The following C1orf50 variants were observed in gnomAD, a reference collection of about 807,000 sequenced individuals.
C1orf50 encodes uncharacterized protein C1orf50.
Under a neutral mutation model 23.3 loss-of-function variants are expected in C1orf50, and 22 were observed. The observed-to-expected ratio is 0.94, with a 90% CI of 0.67 to 1.35. The LOEUF (loss-of-function observed/expected upper bound fraction) is 1.35, where lower values mean the gene tolerates loss of function less well. C1orf50 is among the 40% of genes most tolerant of loss of function. The pLI, the probability that C1orf50 is intolerant of heterozygous loss-of-function variation, is 0.00. For synonymous variants in C1orf50, 96 were observed against 102.4 expected (o/e 0.94, Z 0.38); for missense variants, 271 against 249.4 (o/e 1.09, Z -0.58).
chr1:42,779,117 C>T lies in C1orf50; in HGVS notation c.*3723C>T, dbSNP rs368591663. ...AACAAGCTGGGCGCAGTGGCTCACG[C>T]CTGTAATCCCAGCACTTTGGGCGGC... On this transcript the variant is annotated 3_prime_UTR_variant, in exon 5 of 5. Transcript: ENST00000372525. The T allele has an allele frequency of 3.2e-4, 49 of 152,216 alleles. No individual in the cohort carries two copies. The highest frequency in any genetic ancestry group is 1.2e-3 in the African/African-American group (48 of 41,514). 9.4% of individuals were successfully genotyped at this position (152,216 alleles called of 1,614,324 possible).
Position 42,773,609 on chromosome 1 carries a change from T to C in C1orf50, c.242T>C (p.Ile81Thr). Residue 81 changes from isoleucine to threonine, a missense_variant, in exon 3 of 5, where the codon ATA becomes ACA. Coordinates refer to ENST00000372525, the MANE Select transcript of C1orf50 (RefSeq NM_024097.4). ...AATGCCACCAACAAGCTGACAGTCA[T>C]AGCTGAGCAAATCCAACATTTGCAA... The part of the protein sequence containing the change: ...RANATNKLTV[I>T]AEQIQHLQEQ... 1 of 1,612,592 alleles carries C rather than the reference T, an allele frequency of 6.2e-7. No homozygotes were observed. The highest frequency in any genetic ancestry group is 8.5e-7 in the Non-Finnish European group (1 of 1,178,754).
chr1:42,774,881 ATTGT>A lies in C1orf50; in HGVS notation c.414+17_414+20del. 1 of 1,598,916 alleles carries A rather than the reference ATTGT, an allele frequency of 6.3e-7. No homozygotes were observed. The highest frequency in any genetic ancestry group is 8.5e-7 in the Non-Finnish European group (1 of 1,170,660). Reference sequence around the variant, plus strand: ...CATTTCTCCAAAGGTAAGAACATACATTGTTTGCCCAAAAATCTACTCCAGCCTC... The same window carrying A: ...CATTTCTCCAAAGGTAAGAACATACATTGCCCAAAAATCTACTCCAGCCTC... On this transcript the variant is annotated intron_variant, in intron 4 of 4. Transcript: ENST00000372525.
In C1orf50 at chr1:42,775,924, T is replaced by A. The variant is rs1653332149; in HGVS notation, c.*530T>A. ...CAACAACAACAAAAAAAAAAACACT[T>A]GGCTTGGCTGGACCAGAGAGTGTGT... On this transcript the variant is annotated 3_prime_UTR_variant, in exon 5 of 5. Transcript: ENST00000372525. The A allele has an allele frequency of 6.7e-6, 1 of 148,210 alleles. No homozygotes were observed. Among genetic ancestry groups the A allele is most frequent in the East Asian group, 1.9e-4 (1 of 5,158 alleles). 9.2% of individuals were successfully genotyped at this position (148,210 alleles called of 1,614,324 possible). A position where few individuals can be genotyped will look rare whatever the true frequency, so the allele number is the denominator to read the frequency against.
chr1:42,767,351 C>T lies in C1orf50; in HGVS notation c.40C>T (p.Leu14Phe), dbSNP rs920751314. Residue 14 changes from leucine (L) to phenylalanine (F), a missense_variant, in exon 1 of 5, where the codon CTT becomes TTT. Coordinates refer to ENST00000372525, the MANE Select transcript of C1orf50 (RefSeq NM_024097.4). Reference sequence around the variant, plus strand: ...CGCGCCGGGGCGGACCGAGGGGGTCCTTGAAAGGCAAGGAGCGCCGCCAGC... The same window carrying T: ...CGCGCCGGGGCGGACCGAGGGGGTCTTTGAAAGGCAAGGAGCGCCGCCAGC... ...AAAPGRTEGVLERQGAPPAAG... is the reference protein window; with the variant it reads ...AAAPGRTEGVFERQGAPPAAG... The T allele has an allele frequency of 1.3e-6, 2 of 1,537,304 alleles. No individual in the cohort carries two copies. The highest frequency in any genetic ancestry group is 1.7e-6 in the Non-Finnish European group (2 of 1,146,610).
intron 1 of C1orf50, 57 bp downstream of exon 1, chr1:42,767,447 G>A (rs904314264): frequency 1.3e-6 from 2 of 1,553,540 alleles, no homozygotes; most frequent in African/African-American, 1.4e-5. Context: ...AGCCGGTCTC[G>A]GGGCTCCGCG....
At position 42,779,004 on chromosome 1, in the gene C1orf50, C is replaced by G. The variant is rs1653394414; in HGVS notation, c.*3610C>G. 1 of 117,890 alleles carries G rather than the reference C, an allele frequency of 8.5e-6. No individual in the cohort carries two copies. The highest frequency in any genetic ancestry group is 3.0e-4 in the South Asian group (1 of 3,320). The allele number at this position is 117,890 out of a possible 1,614,324, so 7.3% of individuals were successfully genotyped here. ...CCCCCCCCCCCCCACATTTTGGTGTCTGTCAAACTTGGACACTTCTAAAAG... is the reference window on the plus strand; with the variant it reads ...CCCCCCCCCCCCCACATTTTGGTGTGTGTCAAACTTGGACACTTCTAAAAG... On this transcript the variant is annotated 3_prime_UTR_variant, in exon 5 of 5. Transcript: ENST00000372525.
At chr1:42,773,915 C>T (rs980339986) in intron 3 of C1orf50, among the ~76,000 whole-genome samples, 4 of 151,644 alleles carry the variant, frequency 2.6e-5, no homozygotes, top group African/African-American at 7.3e-5. Flanking sequence ...CTCTGCCTCC[C>T]GGGTTCAAGC....
At chr1:42,774,557 A>C (rs1557585606) in intron 3 of C1orf50, among the ~76,000 whole-genome samples, 180 bp from the exon 4 acceptor site, 1 of 152,228 alleles carries the variant, frequency 6.6e-6, no homozygotes, top group African/African-American at 2.4e-5. Context: ...TTTTTACAGC[A>C]TAGCAGCATA....
Position 42,778,786 on chromosome 1 carries a change from A to G in C1orf50, c.*3392A>G, listed in dbSNP as rs1653387697. The G allele has an allele frequency of 1.3e-5, 2 of 152,308 alleles. No homozygotes were observed. Among genetic ancestry groups the G allele is most frequent in the African/African-American group, 4.8e-5 (2 of 41,436 alleles). 9.4% of individuals were successfully genotyped at this position (152,308 alleles called of 1,614,324 possible). ...GAATCGCAGCCAGTTAAACAGGAGAATATGGACTGGGGAATATGAGAGAAG... is the reference window on the plus strand; with the variant it reads ...GAATCGCAGCCAGTTAAACAGGAGAGTATGGACTGGGGAATATGAGAGAAG... On this transcript the variant is annotated 3_prime_UTR_variant, in exon 5 of 5. Transcript: ENST00000372525.
intron 3 of C1orf50, 40 bp from the exon 4 acceptor site, chr1:42,774,697 A>G: frequency 6.4e-7 from 1 of 1,569,582 alleles, no homozygotes. Flanking sequence ...GGTGCCTGTT[A>G]TCTCCAATAC....
chr1:42,775,625 C>T lies in C1orf50; in HGVS notation c.*231C>T, dbSNP rs184583257. ...TTGGACCACAGATACCCAAGTCAGT[C>T]AGTTTCAGAGTATTGGCCAGTGTAC... On this transcript the variant is annotated 3_prime_UTR_variant, in exon 5 of 5. Transcript: ENST00000372525. The T allele has an allele frequency of 1.7e-3, 702 of 422,490 alleles. 1 individual carries two copies. The highest frequency in any genetic ancestry group is 2.3e-3 in the Non-Finnish European group (540 of 234,220). The allele number at this position is 422,490 out of a possible 1,614,324, so 26.2% of individuals were successfully genotyped here. A position where few individuals can be genotyped will look rare whatever the true frequency, so the allele number is the denominator to read the frequency against.
At chr1:42,769,502 C>T (rs2124185612) in intron 2 of C1orf50, among the ~76,000 whole-genome samples, 1 of 148,838 alleles carries the variant, frequency 6.7e-6, no homozygotes, top group African/African-American at 2.5e-5. Context: ...GCTGAGATCA[C>T]ACCACTGCAC....
chr1:42,774,062 A>G (rs969811338), intron 3 of C1orf50, among the ~76,000 whole-genome samples: 1 of 152,076 alleles, frequency 6.6e-6, no homozygotes, highest in African/African-American at 2.4e-5. Flanking sequence ...ACCTCAGGTG[A>G]TCTGCCTGCC....
chr1:42,775,399 G>A lies in C1orf50; in HGVS notation c.*5G>A, dbSNP rs1653316038. The A allele has an allele frequency of 6.4e-7, 1 of 1,574,226 alleles. No homozygotes were observed. Among genetic ancestry groups the A allele is most frequent in the African/African-American group, 1.3e-5 (1 of 74,346 alleles). On this transcript the variant is annotated 3_prime_UTR_variant, in exon 5 of 5. Coordinates refer to ENST00000372525, the MANE Select transcript of C1orf50 (RefSeq NM_024097.4). ...TTCCAGGGACTGACTCACTGAGAGT[G>A]GGCTTTGACAAACAGCTCTCACAGG...
At chr1:42,768,561 CT>C (rs34887733) in intron 2 of C1orf50, among the ~76,000 whole-genome samples, 46,540 of 150,738 alleles carry the variant, frequency 0.31, 7,583 homozygotes, top group East Asian at 0.65. Context: ...CCTTCGAATC[CT>C]TTTTTTTTTA....
chr1:42,769,406 A>G (rs866930823), intron 2 of C1orf50, among the ~76,000 whole-genome samples: 1 of 151,086 alleles, frequency 6.6e-6, no homozygotes, highest in Non-Finnish European at 1.5e-5. Flanking sequence ...TTAGCCGGGC[A>G]TGGTGGTGTG....
At chr1:42,771,724 T>A (rs1008857917) in intron 2 of C1orf50, among the ~76,000 whole-genome samples, 2 of 152,202 alleles carry the variant, frequency 1.3e-5, no homozygotes, top group Non-Finnish European at 2.9e-5. Flanking sequence ...ATGCCTGTAA[T>A]CCCAGTACTT....
chr1:42,771,185 A>G (rs1012474297), intron 2 of C1orf50, among the ~76,000 whole-genome samples: 8 of 152,184 alleles, frequency 5.3e-5, no homozygotes, highest in African/African-American at 1.9e-4. Context: ...TTATGAGTAC[A>G]TATAATATTA....
chr1:42,776,365 T>G lies in C1orf50; in HGVS notation c.*971T>G, dbSNP rs1653340616. On this transcript the variant is annotated 3_prime_UTR_variant, in exon 5 of 5. Transcript: ENST00000372525. ...TGTAGTTCTTATTCTGACTAGGCTC[T>G]TGTAGGACTCTACCTTCTTTCCTAT... The G allele has an allele frequency of 6.6e-6, 1 of 152,210 alleles. No homozygotes were observed. Among genetic ancestry groups the G allele is most frequent in the Non-Finnish European group, 1.5e-5 (1 of 68,042 alleles). The allele number at this position is 152,210 out of a possible 1,614,324, so 9.4% of individuals were successfully genotyped here.
Sources: allele counts gnomAD v4.1 joint callset (sites outside exome capture counted in the v4.1 genomes callset), GRCh38; gene constraint gnomAD v4.1.1; transcripts MANE v1.5; gene names NCBI Gene and HGNC (gene_info 2026-07-23, HGNC 2026-07-21).